ZNF568: variants seen among roughly 807,000 people sequenced by gnomAD.
ZNF568 encodes the protein p53 inhibitor of SCO2 activation.
In ZNF568, 11 loss-of-function variants were observed where a neutral mutation model predicts 18.1. That is an observed-to-expected ratio of 0.61 (90% CI 0.38 to 1.00). The LOEUF is 1.00. Ranked by LOEUF, ZNF568 falls within the 50% of genes least tolerant of loss-of-function variation. ZNF568 has a pLI of 0.01. For synonymous variants in ZNF568, 213 were observed against 246.6 expected (o/e 0.86, Z 1.28); for missense variants, 639 against 768.2 (o/e 0.83, Z 1.99).
intron 6 of ZNF568, among the ~76,000 whole-genome samples, chr19:36,971,732 T>G (rs1020916179): frequency 5.3e-5 from 8 of 152,046 alleles, no homozygotes; most frequent in Non-Finnish European, 5.9e-5. Flanking sequence ...AGAGACGAGG[T>G]TTCACCATGT....
In ZNF568 at chr19:36,925,309, C is replaced by T. The variant is rs549807360; in HGVS notation, c.135+51C>T. The T allele has an allele frequency of 4.9e-5, 75 of 1,533,226 alleles. No individual in the cohort carries two copies. In the Middle Eastern group the frequency reaches 1.2e-3, roughly 24 times the overall value. The allele number at this position is 1,533,226 out of a possible 1,614,324, so 95.0% of individuals were successfully genotyped here. ...CCTGCATTATTTTGCAGTGCAGTTA[C>T]GGTGGGTTCTTGTAACCTACCAATG... On this transcript the variant is annotated intron_variant, in intron 4 of 6. Transcript: ENST00000333987.
At chr19:36,940,848 A>G (rs948056007) in intron 6 of ZNF568, among the ~76,000 whole-genome samples, 6 of 152,216 alleles carry the variant, frequency 3.9e-5, no homozygotes, top group African/African-American at 1.4e-4. Flanking sequence ...AAAATTAGAA[A>G]ACATAACAAA....
At position 36,996,703 on chromosome 19, in the gene ZNF568, A is replaced by T. The variant is rs2074475439; in HGVS notation, c.616A>T (p.Lys206Ter). The T allele has an allele frequency of 1.3e-6, 2 of 1,536,218 alleles. No homozygotes were observed. Among genetic ancestry groups the T allele is most frequent in the South Asian group, 2.4e-5 (2 of 83,986 alleles). The change falls in exon 5 of 5, where the codon AAA (lysine) becomes TAA (stop). Residue 206 changes from lysine (K) to a stop codon, truncating the protein, a stop_gained. Transcript: ENST00000433993. LOFTEE classifies it low-confidence loss of function (END_TRUNC). ...TAAGCATCAGACGCTTCATGAAAGCAAAAAACATAGTGAAAATAACAAATG... is the reference window on the plus strand; with the variant it reads ...TAAGCATCAGACGCTTCATGAAAGCTAAAAACATAGTGAAAATAACAAATG...
downstream of ZNF568, among the ~76,000 whole-genome samples, chr19:36,981,589 T>G (rs1344735111): frequency 6.6e-6 from 1 of 152,174 alleles, no homozygotes; most frequent in East Asian, 1.9e-4. Context: ...AACTTTAGAA[T>G]ATAGACTGGG....
rs370889789 is a variant in ZNF568, at chr19:36,927,821, A to AATAT, written c.135+2575_135+2578dup. On this transcript the variant is annotated intron_variant, in intron 4 of 6. Transcript: ENST00000333987. ...AATACATATATATAAAAAATATATAAATATATATATATATAAAGATATATG... is the reference window on the plus strand; with the variant it reads ...AATACATATATATAAAAAATATATAAATATATATATATATATATAAAGATATATG... Among the ~76,000 whole-genome samples the AATAT allele has an allele frequency of 1.5e-3, 179 of 115,502 alleles. 2 individuals are homozygous for AATAT. The highest frequency in any genetic ancestry group is 6.1e-3 in the African/African-American group (174 of 28,398). 75.8% of individuals were successfully genotyped at this position (115,502 alleles called of 152,430 possible). A position where few individuals can be genotyped will look rare whatever the true frequency, so the allele number is the denominator to read the frequency against.
intron 6 of ZNF568, among the ~76,000 whole-genome samples, chr19:36,960,675 C>T (rs2074141935): frequency 6.6e-6 from 1 of 151,506 alleles, no homozygotes; most frequent in African/African-American, 2.4e-5. Flanking sequence ...TTGCAGTAAG[C>T]CGAGATCATG....
intron 4 of ZNF568, among the ~76,000 whole-genome samples, chr19:36,992,505 A>G (rs1353722194): frequency 6.6e-6 from 1 of 152,046 alleles, no homozygotes; most frequent in Non-Finnish European, 1.5e-5. Flanking sequence ...CCATCTTGAA[A>G]AAAAAAGAAA....
chr19:36,924,830 CA>C (rs1011268515), intron 3 of ZNF568, among the ~76,000 whole-genome samples: 67 of 124,256 alleles, frequency 5.4e-4, no homozygotes, highest in East Asian at 7.1e-4. Context: ...GACTCCATCT[CA>C]AAAAAAAAAA....
intron 6 of ZNF568, among the ~76,000 whole-genome samples, chr19:36,971,264 G>GTTT (rs35463773): frequency 6.8e-6 from 1 of 146,600 alleles, no homozygotes; most frequent in Non-Finnish European, 1.5e-5. Flanking sequence ...AACTCTTTAT[G>GTTT]TTTTTTTTTT....
chr19:36,923,084 C>G (rs565444152), intron 3 of ZNF568, among the ~76,000 whole-genome samples: 12 of 152,120 alleles, frequency 7.9e-5, no homozygotes, highest in Non-Finnish European at 1.6e-4. Context: ...TGTACTATAA[C>G]ATAAACAAAA....
At chr19:36,986,701 C>T (rs909382309) in intron 2 of ZNF568, among the ~76,000 whole-genome samples, 3 of 152,012 alleles carry the variant, frequency 2.0e-5, no homozygotes, top group African/African-American at 2.4e-5. Context: ...CTGGTGCCCA[C>T]GTAGAGCCAG....
chr19:36,929,385 T>A (rs917384253), intron 4 of ZNF568, among the ~76,000 whole-genome samples: 13 of 151,914 alleles, frequency 8.6e-5, no homozygotes, highest in Middle Eastern at 3.2e-3. Context: ...CAAAAAATTT[T>A]AAAAAATTAG....
chr19:36,938,313 A>G (rs2073823409), intron 6 of ZNF568, among the ~76,000 whole-genome samples: 1 of 152,202 alleles, frequency 6.6e-6, no homozygotes. Flanking sequence ...ATGAGATTGT[A>G]TCCCTAGAAA....
intron 4 of ZNF568, among the ~76,000 whole-genome samples, chr19:36,927,899 ATATATTTTTTTTTTTTTTTTTTTT>A (rs2073605842): frequency 1.7e-4 from 4 of 24,106 alleles, no homozygotes; most frequent in African/African-American, 1.1e-3. Flanking sequence ...ATATATATAT[ATATATTTTTTTTTTTTTTTTTTTT>A]TTTTTTTTGG....
intron 4 of ZNF568, among the ~76,000 whole-genome samples, chr19:36,928,357 A>T (rs1021758704): frequency 2.6e-5 from 4 of 152,170 alleles, no homozygotes; most frequent in Admixed American, 1.3e-4. Context: ...TTTCAAAAGG[A>T]CCTATTTATA....
rs565914554 is a variant in ZNF568, at chr19:36,979,257, A to G, written c.*143A>G. ...CTTGGCCTCCCAAAGTGCTGGGATTACAGGTGTGAACCACCGCACCTGGCC... is the reference window on the plus strand; with the variant it reads ...CTTGGCCTCCCAAAGTGCTGGGATTGCAGGTGTGAACCACCGCACCTGGCC... On this transcript the variant is annotated 3_prime_UTR_variant, in exon 8 of 8. Coordinates refer to the ZNF568 transcript ENST00000427117. 9.8e-5 allele frequency: 17 copies of G among 173,258 alleles called. No homozygotes were observed. The South Asian group carries it at 1.9e-3, about 19-fold the overall frequency. The allele number at this position is 173,258 out of a possible 1,614,324, so 10.7% of individuals were successfully genotyped here.
intron 2 of ZNF568, among the ~76,000 whole-genome samples, chr19:36,987,507 G>A (rs2074385988): frequency 1.3e-5 from 2 of 152,140 alleles, no homozygotes. Context: ...GCTTGAGGGA[G>A]GCTGGAACCC....
chr19:36,944,056 G>T (rs1193004720), intron 6 of ZNF568, among the ~76,000 whole-genome samples: 1 of 151,830 alleles, frequency 6.6e-6, no homozygotes, highest in Admixed American at 6.6e-5. Context: ...TGAGTTATTG[G>T]TTCTATAGCT....
At chr19:36,923,496 C>T (rs759505380) in intron 3 of ZNF568, among the ~76,000 whole-genome samples, 8 of 151,558 alleles carry the variant, frequency 5.3e-5, no homozygotes, top group South Asian at 4.2e-4. Context: ...TTTTGGGAGA[C>T]GAAGGAAGTG....
Sources: allele counts gnomAD v4.1 joint callset (sites outside exome capture counted in the v4.1 genomes callset), GRCh38; gene constraint gnomAD v4.1.1; transcripts MANE v1.5; gene names NCBI Gene and HGNC (gene_info 2026-07-23, HGNC 2026-07-21).